The following HHAT variants were observed in gnomAD, a reference collection of about 807,000 sequenced individuals.
The protein encoded by HHAT is hedgehog acyltransferase.
A neutral mutation model predicts 70.8 loss-of-function variants in HHAT; 47 were observed. That is an observed-to-expected ratio of 0.66 (90% CI 0.53 to 0.85). The LOEUF is 0.85. HHAT is among the 40% of genes least tolerant of loss of function. HHAT has a pLI of 0.00. For missense variants in HHAT, 609 were observed against 604.8 expected (o/e 1.01, Z -0.07); for synonymous variants, 228 against 247.6 (o/e 0.92, Z 0.74).
intron 5 of HHAT, 113 bp downstream of exon 5, chr1:210,400,775 G>A (rs1481400595): frequency 2.1e-6 from 2 of 970,792 alleles, no homozygotes; most frequent in Non-Finnish European, 1.5e-6. Context: ...ACTGTGATGG[G>A]GCTCCCCATA....
At chr1:210,403,273 G>A (rs1179537275) in intron 5 of HHAT, among the ~76,000 whole-genome samples, 1 of 152,170 alleles carries the variant, frequency 6.6e-6, no homozygotes, top group Non-Finnish European at 1.5e-5. Flanking sequence ...TTAGGCAAGT[G>A]TGCTTAAAAA....
intron 7 of HHAT, among the ~76,000 whole-genome samples, chr1:210,459,995 C>T (rs531857089): frequency 1.3e-5 from 2 of 152,334 alleles, no homozygotes; most frequent in East Asian, 1.9e-4. Context: ...GCTATTGAGG[C>T]TGCTGTCAGC....
At chr1:210,423,306 G>T (rs2092960850) in intron 7 of HHAT, among the ~76,000 whole-genome samples, 1 of 152,116 alleles carries the variant, frequency 6.6e-6, no homozygotes, top group South Asian at 2.1e-4. Context: ...GCTCTGATTT[G>T]CATTTCCCTC....
At chr1:210,425,141 T>G (rs1212280694) in intron 7 of HHAT, among the ~76,000 whole-genome samples, 1 of 152,344 alleles carries the variant, frequency 6.6e-6, no homozygotes, top group South Asian at 2.1e-4. Flanking sequence ...CTTGGCCACA[T>G]GTATGTCTTC....
At chr1:210,529,713 A>G (rs1366330741) in intron 9 of HHAT, among the ~76,000 whole-genome samples, 1 of 152,138 alleles carries the variant, frequency 6.6e-6, no homozygotes, top group East Asian at 1.9e-4. Flanking sequence ...TGGCAGAGAG[A>G]CATGCAGCTT....
At chr1:210,460,288 T>G (rs1369686844) in intron 7 of HHAT, among the ~76,000 whole-genome samples, 1 of 152,204 alleles carries the variant, frequency 6.6e-6, no homozygotes, top group Non-Finnish European at 1.5e-5. Flanking sequence ...AAAGATACAG[T>G]TGCAGCCATT....
chr1:210,595,465 C>T (rs148488640), intron 10 of HHAT, among the ~76,000 whole-genome samples: 40,324 of 152,112 alleles, frequency 0.27, 6,750 homozygotes, highest in East Asian at 0.65. Flanking sequence ...ACTTATAATC[C>T]TTTGGGTATA....
intron 8 of HHAT, among the ~76,000 whole-genome samples, chr1:210,478,319 A>G (rs1302718690): frequency 2.0e-5 from 3 of 152,206 alleles, no homozygotes; most frequent in Admixed American, 2.0e-4. Flanking sequence ...TGGCTCAATC[A>G]TGATCAACTA....
chr1:210,674,304 C>A lies in HHAT; in HGVS notation c.1407C>A (p.Thr469=), dbSNP rs1029222170. ...RIFIQGWPWV[T]LSVLGFLYCY... Reference sequence around the variant, plus strand: ...CCTCTGCAGGCTGGCCTTGGGTGACCCTCTCTGTCCTGGGATTCCTGTACT... The same window carrying A: ...CCTCTGCAGGCTGGCCTTGGGTGACACTCTCTGTCCTGGGATTCCTGTACT... Residue 469 remains threonine, a synonymous_variant, in exon 12 of 12, where the codon ACC becomes ACA. Coordinates refer to ENST00000261458, the MANE Select transcript of HHAT (RefSeq NM_018194.6). 3 of 1,614,086 alleles carry A rather than the reference C, an allele frequency of 1.9e-6. No individual in the cohort carries two copies. The highest frequency in any genetic ancestry group is 2.5e-6 in the Non-Finnish European group (3 of 1,179,958).
chr1:210,446,175 A>G (rs1354035353), intron 7 of HHAT, among the ~76,000 whole-genome samples: 15 of 152,010 alleles, frequency 9.9e-5, no homozygotes, highest in Non-Finnish European at 2.2e-4. Flanking sequence ...GCCTTTTGGA[A>G]CTGAGCTTTC....
intron 2 of HHAT, among the ~76,000 whole-genome samples, chr1:210,359,695 C>T (rs550810280): frequency 9.9e-5 from 15 of 151,984 alleles, no homozygotes; most frequent in Non-Finnish European, 2.2e-4. Flanking sequence ...GTAGAAACCC[C>T]GTCTCTACTA....
At chr1:210,415,750 C>T (rs574826694) in intron 6 of HHAT, among the ~76,000 whole-genome samples, 65 of 152,094 alleles carry the variant, frequency 4.3e-4, no homozygotes, top group South Asian at 8.3e-4. Flanking sequence ...TTTCTGCCTC[C>T]CGGGTTAAAA....
intron 4 of HHAT, among the ~76,000 whole-genome samples, chr1:210,390,573 G>A (rs1205729191): frequency 1.3e-5 from 2 of 152,030 alleles, no homozygotes; most frequent in Non-Finnish European, 2.9e-5. Flanking sequence ...TTCTTCAGTG[G>A]TGATTTATGA....
At chr1:210,389,629 G>A (rs564026606) in intron 4 of HHAT, among the ~76,000 whole-genome samples, 1 of 152,348 alleles carries the variant, frequency 6.6e-6, no homozygotes, top group Admixed American at 6.5e-5. Context: ...GGTAAGATAT[G>A]TTTGCTTCCC....
intron 8 of HHAT, 47 bp from the exon 9 acceptor site, chr1:210,513,106 T>G (rs764643061): frequency 1.1e-5 from 13 of 1,142,872 alleles, no homozygotes; most frequent in Non-Finnish European, 1.7e-5. Context: ...CTACCATTAC[T>G]ATAAATATCT....
intron 8 of HHAT, among the ~76,000 whole-genome samples, chr1:210,485,015 G>A (rs560480632): frequency 5.3e-5 from 8 of 152,222 alleles, no homozygotes; most frequent in Non-Finnish European, 7.4e-5. Context: ...ATGAGGTATG[G>A]GCTAGAGGTT....
intron 11 of HHAT, among the ~76,000 whole-genome samples, chr1:210,625,042 C>G (rs1385896932): frequency 6.6e-6 from 1 of 152,220 alleles, no homozygotes; most frequent in Admixed American, 6.5e-5. Context: ...TGGGCCTAAA[C>G]TGTGGCAGCC....
intron 7 of HHAT, among the ~76,000 whole-genome samples, chr1:210,445,022 T>G (rs890224402): frequency 1.3e-5 from 2 of 152,066 alleles, no homozygotes; most frequent in African/African-American, 4.8e-5. Flanking sequence ...GTATTTTTAG[T>G]AGAGACGGGG....
chr1:210,655,146 G>C (rs977519455), intron 11 of HHAT, among the ~76,000 whole-genome samples: 3 of 152,196 alleles, frequency 2.0e-5, no homozygotes, highest in African/African-American at 7.2e-5. Context: ...TTCCCCGGAG[G>C]CCAACAATTA....
Sources: gnomAD v4.1 joint callset for allele counts (sites outside exome capture counted in the v4.1 genomes callset) on GRCh38, gnomAD v4.1.1 for gene constraint, MANE v1.5 for transcripts, NCBI Gene and HGNC (gene_info 2026-07-23, HGNC 2026-07-21) for gene names.